The following KCNQ1 variants were observed in gnomAD, a reference collection of about 807,000 sequenced individuals.
KCNQ1 encodes the protein potassium voltage-gated channel subfamily KQT member 1.
A neutral mutation model predicts 72.4 loss-of-function variants in KCNQ1; 49 were observed. The observed-to-expected ratio is 0.68, with a 90% CI of 0.54 to 0.86. The LOEUF is 0.86. KCNQ1 is among the 40% of genes least tolerant of loss of function. KCNQ1 has a pLI of 0.00. For synonymous variants in KCNQ1, 450 were observed against 412.6 expected, an observed-to-expected ratio of 1.09 and a Z score of -1.10; for missense variants, 790 against 945.1, an observed-to-expected ratio of 0.84 and a Z score of 2.15.
chr11:2,690,958 G>A lies in KCNQ1; in HGVS notation c.1514+28877G>A, dbSNP rs575646343. 61 of 398,656 alleles carry A rather than the reference G, an allele frequency of 1.5e-4. No individual in the cohort carries two copies. In the Admixed American group the frequency reaches 2.5e-3, roughly 16 times the overall value. 24.7% of individuals were successfully genotyped at this position (398,656 alleles called of 1,614,324 possible). On this transcript the variant is annotated intron_variant, in intron 11 of 15. Transcript: ENST00000155840. The surrounding 1 kb of genome is among the most constrained non-coding windows in gnomAD (Gnocchi z 5.1). ...CCTGAAAGGTTCATTTGGGAGTCACGGGTATGTGTCAACAAAAGCCCACCA... is the reference window on the plus strand; with the variant it reads ...CCTGAAAGGTTCATTTGGGAGTCACAGGTATGTGTCAACAAAAGCCCACCA...
At chr11:2,660,400 G>A (rs980109323) in intron 10 of KCNQ1, 2 of 398,364 alleles carry the variant, frequency 5.0e-6, no homozygotes, top group Non-Finnish European at 8.8e-6. Flanking sequence ...TTTTTATAAA[G>A]CAAAAGATGT....
In KCNQ1 at chr11:2,642,048, G is replaced by A; in HGVS notation, c.1394-19913G>A. The A allele has an allele frequency of 5.0e-6, 2 of 398,320 alleles. No homozygotes were observed. Among genetic ancestry groups the A allele is most frequent in the East Asian group, 7.1e-5 (2 of 28,034 alleles). The allele number at this position is 398,320 out of a possible 1,614,324, so 24.7% of individuals were successfully genotyped here. Reference sequence around the variant, plus strand: ...CTATAGCCTTATATTTTTAAATCAGGCAGTGTGATGCATCCAACTTTGTTA... The same window carrying A: ...CTATAGCCTTATATTTTTAAATCAGACAGTGTGATGCATCCAACTTTGTTA... On this transcript the variant is annotated intron_variant, in intron 10 of 15. Coordinates refer to ENST00000155840, the MANE Select transcript of KCNQ1 (RefSeq NM_000218.3). This position sits in a 1 kb window ranked among gnomAD's most constrained non-coding sequence, Gnocchi z 4.3.
chr11:2,526,004 T>G lies in KCNQ1; in HGVS notation c.387-1924T>G, dbSNP rs1257804012. 6.6e-6 allele frequency among the ~76,000 whole-genome samples: 1 copy of G among 152,032 alleles called. No individual in the cohort carries two copies. ...AGTTGGGGTGTTGTGGGGGCCAGGG[T>G]CAGACATCAGAGCTGGCCTCTGCCT... On this transcript the variant is annotated intron_variant, in intron 1 of 15. Coordinates refer to ENST00000155840, the MANE Select transcript of KCNQ1 (RefSeq NM_000218.3). This position sits in a 1 kb window ranked among gnomAD's most constrained non-coding sequence, Gnocchi z 6.1.
Position 2,679,079 on chromosome 11 carries a change from A to G in KCNQ1, c.1514+16998A>G. 2.5e-6 allele frequency: 1 copy of G among 398,654 alleles called. No individual in the cohort carries two copies. Among genetic ancestry groups the G allele is most frequent in the Non-Finnish European group, 4.4e-6 (1 of 226,076 alleles). 24.7% of individuals were successfully genotyped at this position (398,654 alleles called of 1,614,324 possible). ...CACCAAAAAAACCCACTAACACCATAAAGTGTCATAGCTAGAGCTAGAGTG... is the reference window on the plus strand; with the variant it reads ...CACCAAAAAAACCCACTAACACCATGAAGTGTCATAGCTAGAGCTAGAGTG... On this transcript the variant is annotated intron_variant, in intron 11 of 15. Transcript: ENST00000155840. This position sits in a 1 kb window ranked among gnomAD's most constrained non-coding sequence, Gnocchi z 4.8.
At chr11:2,763,708 C>T (rs1846448491) in intron 11 of KCNQ1, among the ~76,000 whole-genome samples, 1 of 152,144 alleles carries the variant, frequency 6.6e-6, no homozygotes, top group Admixed American at 6.5e-5. Flanking sequence ...CAGGTACACA[C>T]CACCAAGCCT....
intron 6 of KCNQ1, among the ~76,000 whole-genome samples, chr11:2,580,610 C>T (rs1433023831): frequency 6.6e-6 from 1 of 152,204 alleles, no homozygotes; most frequent in East Asian, 1.9e-4. Flanking sequence ...TGTTAGTGCC[C>T]CCCAGCCACA....
At chr11:2,525,388 A>G (rs1847480848) in intron 1 of KCNQ1, among the ~76,000 whole-genome samples, 1 of 152,160 alleles carries the variant, frequency 6.6e-6, no homozygotes, top group South Asian at 2.1e-4. Context: ...TGAACAAATT[A>G]CTCTGCATCC....
intron 11 of KCNQ1, among the ~76,000 whole-genome samples, chr11:2,719,538 C>T (rs1851168834): frequency 6.6e-6 from 1 of 152,030 alleles, no homozygotes; most frequent in Non-Finnish European, 1.5e-5. Flanking sequence ...CACACAAATC[C>T]CAGAGTTCAG....
chr11:2,625,856 A>C (rs1849253578), intron 10 of KCNQ1: 1 of 398,664 alleles, frequency 2.5e-6, no homozygotes, highest in Non-Finnish European at 4.4e-6. Flanking sequence ...GGCGTGAGCC[A>C]CCGTGCCTGG....
intron 15 of KCNQ1, among the ~76,000 whole-genome samples, chr11:2,793,190 G>A (rs1590091393): frequency 1.3e-5 from 2 of 152,216 alleles, no homozygotes; most frequent in Admixed American, 6.5e-5. Flanking sequence ...GGGTGCACCC[G>A]ACAAACACAA....
intron 11 of KCNQ1, chr11:2,686,980 A>G (rs1850500614): frequency 2.5e-6 from 1 of 398,690 alleles, no homozygotes; most frequent in African/African-American, 2.1e-5. Context: ...GGCAAGGACA[A>G]CACTGGGCCC....
chr11:2,652,503 G>A lies in KCNQ1; in HGVS notation c.1394-9458G>A, dbSNP rs1401889156. On this transcript the variant is annotated intron_variant, in intron 10 of 15. Coordinates refer to ENST00000155840, the MANE Select transcript of KCNQ1 (RefSeq NM_000218.3). The surrounding 1 kb of genome is among the most constrained non-coding windows in gnomAD (Gnocchi z 5.9). ...TCCCCACCTCTCCAGAGGTTTCTGG[G>A]GAATGTCCTGTGAGCTCAACTCTTG... The A allele has an allele frequency of 7.5e-6, 3 of 398,454 alleles. No homozygotes were observed. The highest frequency in any genetic ancestry group is 1.3e-5 in the Non-Finnish European group (3 of 226,060). 24.7% of individuals were successfully genotyped at this position (398,454 alleles called of 1,614,324 possible). A position where few individuals can be genotyped will look rare whatever the true frequency, so the allele number is the denominator to read the frequency against.
intron 15 of KCNQ1, among the ~76,000 whole-genome samples, chr11:2,829,149 A>C (rs1311498297): frequency 2.0e-5 from 3 of 152,212 alleles, no homozygotes; most frequent in Non-Finnish European, 4.4e-5. Context: ...GAGAGGAAAA[A>C]ACAAAGAAAG....
At chr11:2,688,868 A>G in intron 11 of KCNQ1, 1 of 399,018 alleles carries the variant, frequency 2.5e-6, no homozygotes, top group Non-Finnish European at 4.4e-6. Flanking sequence ...GCCAGAGGTC[A>G]TGCAGCAAGG....
intron 11 of KCNQ1, chr11:2,680,471 AT>A (rs916520404): frequency 1.8e-5 from 7 of 397,540 alleles, no homozygotes; most frequent in Middle Eastern, 6.2e-4. Context: ...AGGACTACTG[AT>A]TTTTTTTTAA....
At position 2,724,248 on chromosome 11, in the gene KCNQ1, G is replaced by A. The variant is rs148587026; in HGVS notation, c.1515-44596G>A. ...TCCTCCCGGCTCAGGACCCCTTTGC[G>A]GTGTCACCTTTCGGCATGTAACCAC... On this transcript the variant is annotated intron_variant, in intron 11 of 15. Transcript: ENST00000155840. This position sits in a 1 kb window ranked among gnomAD's most constrained non-coding sequence, Gnocchi z 6.8. Among the ~76,000 whole-genome samples the A allele has an allele frequency of 1.7e-3, 254 of 152,292 alleles. No homozygotes were observed. Among genetic ancestry groups the A allele is most frequent in the African/African-American group, 5.5e-3 (227 of 41,556 alleles).
chr11:2,636,613 C>T (rs1849470333), intron 10 of KCNQ1: 2 of 152,114 alleles, frequency 1.3e-5, no homozygotes, highest in South Asian at 2.1e-4. Flanking sequence ...ATTTTTGCAT[C>T]AATGTTCATC....
At chr11:2,472,860 G>A (rs1228289554) in intron 1 of KCNQ1, among the ~76,000 whole-genome samples, 4 of 152,120 alleles carry the variant, frequency 2.6e-5, no homozygotes, top group Non-Finnish European at 4.4e-5. Flanking sequence ...CAGAGGCATG[G>A]GGGTGACTCC....
At chr11:2,453,829 C>CAA (rs1291092915) in intron 1 of KCNQ1, among the ~76,000 whole-genome samples, 1 of 152,222 alleles carries the variant, frequency 6.6e-6, no homozygotes, top group African/African-American at 2.4e-5. Flanking sequence ...TGGAAAACTG[C>CAA]AAATGCCCAT....
Sources: gnomAD v4.1 joint callset for allele counts (sites outside exome capture counted in the v4.1 genomes callset) on GRCh38, gnomAD v4.1.1 for gene constraint, Gnocchi (gnomAD v3.1) non-coding constraint, MANE v1.5 for transcripts, NCBI Gene and HGNC (gene_info 2026-07-23, HGNC 2026-07-21) for gene names.